The following AKAP8L variants were observed in gnomAD, a reference collection of about 807,000 sequenced individuals.
The protein encoded by AKAP8L is A-kinase anchoring protein 8 like.
In AKAP8L, 34 loss-of-function variants were observed where a neutral mutation model predicts 77.5. That is an observed-to-expected ratio of 0.44 (90% CI 0.33 to 0.58). The LOEUF (loss-of-function observed/expected upper bound fraction) is 0.58, where lower values mean the gene tolerates loss of function less well. Ranked by LOEUF, AKAP8L falls within the 20% of genes least tolerant of loss-of-function variation. The probability of loss-of-function intolerance (pLI) is 0.02; values close to 1 mark genes in which losing one functional copy is unlikely to be tolerated. For missense variants in AKAP8L, 806 were observed against 887.6 expected (o/e 0.91, Z 1.17); for synonymous variants, 342 against 340.7 (o/e 1.00, Z -0.04).
At chr19:15,418,421 C>T (rs1474000962) in intron 1 of AKAP8L, among the ~76,000 whole-genome samples, 1 of 151,522 alleles carries the variant, frequency 6.6e-6, no homozygotes. Flanking sequence ...GCGCCTTTCC[C>T]AGTTCTGAAA....
chr19:15,401,108 T>C lies in AKAP8L; in HGVS notation c.816+42A>G. ...CACCCGGCCCTTAGCTCCGCCCCAG[T>C]GGGAACTAAGCTTCCCAGAGGGGAA... On this transcript the variant is annotated intron_variant, in intron 5 of 13. Coordinates refer to ENST00000397410, the MANE Select transcript of AKAP8L (RefSeq NM_014371.4). This position sits in a 1 kb window ranked among gnomAD's most constrained non-coding sequence, Gnocchi z 6.2. The C allele has an allele frequency of 2.5e-6, 4 of 1,606,976 alleles. No individual in the cohort carries two copies. Among genetic ancestry groups the C allele is most frequent in the Non-Finnish European group, 3.4e-6 (4 of 1,179,636 alleles).
chr19:15,394,290 C>T (rs1967723973), intron 12 of AKAP8L, among the ~76,000 whole-genome samples: 2 of 152,124 alleles, frequency 1.3e-5, no homozygotes, highest in Non-Finnish European at 2.9e-5. Flanking sequence ...ACCCCAAAAA[C>T]ATCATGCTTA....
At position 15,399,424 on chromosome 19, in the gene AKAP8L, T is replaced by C. The variant is rs757785619; in HGVS notation, c.1049-14A>G. On this transcript the variant is annotated splice_polypyrimidine_tract_variant and intron_variant, in intron 8 of 13. Transcript: ENST00000397410. The surrounding 1 kb of genome is among the most constrained non-coding windows in gnomAD (Gnocchi z 6.1). ...TGGTTAGGGCCCCTGTGGGAGCAGA[T>C]GGGCACTGTCACCAATTTGGCTCTG... is the stretch of plus-strand genomic sequence containing the variant. 7.5e-6 allele frequency: 12 copies of C among 1,604,114 alleles called. No homozygotes were observed. Among genetic ancestry groups the C allele is most frequent in the Non-Finnish European group, 1.0e-5 (12 of 1,171,102 alleles).
rs954149803 is a variant in AKAP8L, at chr19:15,403,101, A to G, written c.362+374T>C. On this transcript the variant is annotated intron_variant, in intron 4 of 13. Coordinates refer to ENST00000397410, the MANE Select transcript of AKAP8L (RefSeq NM_014371.4). This position sits in a 1 kb window ranked among gnomAD's most constrained non-coding sequence, Gnocchi z 4.3. The stretch of plus-strand genomic sequence containing the variant: ...AACGCTCGTCCCACCCTTCACACCA[A>G]ACTCCATCTGTCCTGCCCTGACACC... Among the ~76,000 whole-genome samples the G allele has an allele frequency of 2.0e-5, 3 of 151,988 alleles. 1 individual carries two copies. Among genetic ancestry groups the G allele is most frequent in the African/African-American group, 7.2e-5 (3 of 41,386 alleles).
intron 1 of AKAP8L, among the ~76,000 whole-genome samples, chr19:15,413,534 CA>C (rs1968146148): frequency 6.6e-6 from 1 of 152,126 alleles, no homozygotes; most frequent in African/African-American, 2.4e-5. Flanking sequence ...GCTAGAAATC[CA>C]TTCAAATGGA....
At chr19:15,386,325 G>C (rs989386963) in intron 12 of AKAP8L, among the ~76,000 whole-genome samples, 5 of 152,130 alleles carry the variant, frequency 3.3e-5, no homozygotes, top group Admixed American at 2.0e-4. Context: ...AATATTGAGA[G>C]GACAGACTCT....
intron 1 of AKAP8L, among the ~76,000 whole-genome samples, chr19:15,411,783 T>G (rs1271982974): frequency 1.3e-5 from 2 of 152,204 alleles, no homozygotes; most frequent in African/African-American, 4.8e-5. Context: ...CTGGATGCAG[T>G]GGCTCATGCC....
At chr19:15,382,875 G>A (rs1208114878) in intron 12 of AKAP8L, among the ~76,000 whole-genome samples, 5 of 152,092 alleles carry the variant, frequency 3.3e-5, no homozygotes, top group South Asian at 2.1e-4. Context: ...TTTGGATTTC[G>A]GAGCATTTCG....
At position 15,399,327 on chromosome 19, in the gene AKAP8L, G is replaced by A. The variant is rs1046244448; in HGVS notation, c.1132C>T (p.Arg378Trp). The A allele has an allele frequency of 1.2e-6, 2 of 1,613,798 alleles. No homozygotes were observed. The highest frequency in any genetic ancestry group is 1.7e-4 in the Middle Eastern group (1 of 6,060). Residue 378 changes from arginine to tryptophan, a missense_variant, in exon 9 of 14, where the codon CGG becomes TGG. By Grantham distance (101) the Arg-to-Trp change is moderately radical. Transcript: ENST00000397410. This position sits in a 1 kb window ranked among gnomAD's most constrained non-coding sequence, Gnocchi z 6.1. ...GKKSQDKQKKRQRDRMVERIQ... is the reference protein window; with the variant it reads ...GKKSQDKQKKWQRDRMVERIQ... ...CTTTCCACCATGCGGTCTCGCTGCC[G>A]CTTTTTCTGCTTGTCCTGACTCTTC... is the stretch of plus-strand genomic sequence containing the variant.
chr19:15,395,300 G>T (rs778118828), intron 12 of AKAP8L, among the ~76,000 whole-genome samples: 5 of 151,942 alleles, frequency 3.3e-5, no homozygotes, highest in African/African-American at 1.2e-4. Context: ...CCAAAGTGCC[G>T]TGCCCATTGT....
At position 15,400,671 on chromosome 19, in the gene AKAP8L, C is replaced by T. The variant is rs1599607467; in HGVS notation, c.984+123G>A. ...CTTTCTGCCAGACCACACTGCCTCC[C>T]CATGCTGGTCACCATGCACGCAGAG... On this transcript the variant is annotated intron_variant, in intron 7 of 13. Coordinates refer to ENST00000397410, the MANE Select transcript of AKAP8L (RefSeq NM_014371.4). The T allele has an allele frequency of 5.7e-6, 7 of 1,222,792 alleles. No homozygotes were observed. The East Asian group carries it at 1.8e-4, about 31-fold the overall frequency. The allele number at this position is 1,222,792 out of a possible 1,614,324, so 75.7% of individuals were successfully genotyped here. A position where few individuals can be genotyped will look rare whatever the true frequency, so the allele number is the denominator to read the frequency against.
At chr19:15,386,072 G>A (rs1967531454) in intron 12 of AKAP8L, among the ~76,000 whole-genome samples, 1 of 151,812 alleles carries the variant, frequency 6.6e-6, no homozygotes, top group Non-Finnish European at 1.5e-5. Context: ...CACTACGCCC[G>A]GCTAATTTTT....
At chr19:15,393,398 A>G (rs1260268167) in intron 12 of AKAP8L, among the ~76,000 whole-genome samples, 2 of 152,218 alleles carry the variant, frequency 1.3e-5, no homozygotes, top group Non-Finnish European at 2.9e-5. Context: ...AAACCCACAG[A>G]ATGGGTGAAA....
chr19:15,394,335 T>C (rs763404240), intron 12 of AKAP8L, among the ~76,000 whole-genome samples: 14 of 152,156 alleles, frequency 9.2e-5, no homozygotes, highest in Non-Finnish European at 1.6e-4. Context: ...CCACATATTA[T>C]GTGATTCTGT....
chr19:15,381,805 C>T (rs1967424888), intron 12 of AKAP8L: 1 of 152,226 alleles, frequency 6.6e-6, no homozygotes, highest in Non-Finnish European at 1.5e-5. Context: ...ACCATAAATT[C>T]TCCCAAGTGA....
At chr19:15,418,432 T>C (rs987515293) in intron 1 of AKAP8L, among the ~76,000 whole-genome samples, 4 of 149,500 alleles carry the variant, frequency 2.7e-5, no homozygotes, top group African/African-American at 9.9e-5. Flanking sequence ...AGTTCTGAAA[T>C]AGACAAAAGG....
At chr19:15,394,402 G>A (rs914399882) in intron 12 of AKAP8L, among the ~76,000 whole-genome samples, 2 of 152,198 alleles carry the variant, frequency 1.3e-5, no homozygotes, top group Non-Finnish European at 2.9e-5. Flanking sequence ...AGCTGCCTAA[G>A]GCTGGAGGAG....
At chr19:15,380,458 G>T (rs763823019) in intron 13 of AKAP8L, 28 bp from the exon 14 acceptor site, 2 of 1,611,806 alleles carry the variant, frequency 1.2e-6, no homozygotes, top group Non-Finnish European at 8.5e-7. Context: ...GACACTGAAG[G>T]GAGGGAGCAC....
chr19:15,414,058 T>C lies in AKAP8L; in HGVS notation c.14-3464A>G, dbSNP rs1968155520. Among the ~76,000 whole-genome samples, 3 of 149,878 alleles carry C rather than the reference T, an allele frequency of 2.0e-5. No individual in the cohort carries two copies. The South Asian group carries it at 6.3e-4, about 32-fold the overall frequency. On this transcript the variant is annotated intron_variant, in intron 1 of 13. Transcript: ENST00000397410. ...AGTTTTGGCTCCTATTATGAATAAT[T>C]CTTTTTTTTTTTTTTTTTTTTTTGA...
Sources: gnomAD v4.1 joint callset for allele counts (sites outside exome capture counted in the v4.1 genomes callset) on GRCh38, gnomAD v4.1.1 for gene constraint, Gnocchi (gnomAD v3.1) non-coding constraint, MANE v1.5 for transcripts, NCBI Gene and HGNC (gene_info 2026-07-23, HGNC 2026-07-21) for gene names.